LIMS2: variants seen among roughly 807,000 people sequenced by gnomAD.
LIMS2 encodes the protein LIM and senescent cell antigen-like-containing domain protein 2.
In LIMS2, 30 loss-of-function variants were observed where a neutral mutation model predicts 45.3. The observed-to-expected ratio is 0.66, with a 90% CI of 0.50 to 0.90. LIMS2 has a LOEUF of 0.90. Ranked by LOEUF, LIMS2 falls within the 40% of genes least tolerant of loss-of-function variation. The pLI, the probability that LIMS2 is intolerant of heterozygous loss-of-function variation, is 0.00. For synonymous variants in LIMS2, 173 were observed against 188.0 expected, an observed-to-expected ratio of 0.92 and a Z score of 0.65; for missense variants, 485 against 468.7, an observed-to-expected ratio of 1.03 and a Z score of -0.32.
chr2:127,680,198 C>T (rs1378800383), upstream of LIMS2, among the ~76,000 whole-genome samples: 1 of 152,246 alleles, frequency 6.6e-6, no homozygotes, highest in African/African-American at 2.4e-5. Context: ...CCGGGCGGCT[C>T]CCTGGGCCAA....
chr2:127,658,332 G>A (rs879360573), intron 1 of LIMS2, among the ~76,000 whole-genome samples: 12 of 152,230 alleles, frequency 7.9e-5, no homozygotes, highest in East Asian at 3.9e-4. Context: ...CTGGGAGGCC[G>A]AGGCTGAGTG....
rs543949076 is a variant in LIMS2 at position 127,658,744 on chromosome 2, A to C, written c.12-1182T>G. 2.0e-5 allele frequency among the ~76,000 whole-genome samples: 3 copies of C among 152,328 alleles called. No homozygotes were observed. In the South Asian group the frequency reaches 6.2e-4, roughly 32 times the overall value. On this transcript the variant is annotated intron_variant, in intron 1 of 9. Transcript: ENST00000355119. ...GGGTTCTGTCTCAAGTGTCAACTCC[A>C]GTGGATTCCTGGAAGACTGGGCAGA...
At chr2:127,663,713 C>CA (rs1213671971) in intron 1 of LIMS2, among the ~76,000 whole-genome samples, 1 of 151,154 alleles carries the variant, frequency 6.6e-6, no homozygotes, top group Non-Finnish European at 1.5e-5. Flanking sequence ...CCCAAGGTCA[C>CA]AGCCCTATTG....
chr2:127,680,095 A>G (rs1685582858), upstream of LIMS2, among the ~76,000 whole-genome samples: 1 of 152,220 alleles, frequency 6.6e-6, no homozygotes, highest in Non-Finnish European at 1.5e-5. Context: ...CAAAGCCTTC[A>G]GCCGCCTCCT....
rs369763184 is a variant in LIMS2 at position 127,640,365 on chromosome 2, C to T, written c.754-47G>A. On this transcript the variant is annotated intron_variant, in intron 7 of 9. Transcript: ENST00000355119. ...AGAGTAGCTGCAGGCAGTCACACCC[C>T]AGCCCAGGGCCATCATGCAGCCAGC... 107 of 1,593,932 alleles carry T rather than the reference C, an allele frequency of 6.7e-5. No individual in the cohort carries two copies. The African/African-American group carries it at 1.4e-3, about 21-fold the overall frequency.
At chr2:127,680,841 A>G (rs948812660) in intron 1 of LIMS2, among the ~76,000 whole-genome samples, 14 of 152,192 alleles carry the variant, frequency 9.2e-5, no homozygotes, top group Non-Finnish European at 1.9e-4. Context: ...ACCCGAGGGC[A>G]GCCCCCACCA....
In LIMS2 at chr2:127,647,918, C is replaced by A; in HGVS notation, c.360-4846G>T. 2 of 672,122 alleles carry A rather than the reference C, an allele frequency of 3.0e-6. No homozygotes were observed. The highest frequency in any genetic ancestry group is 3.7e-6 in the Non-Finnish European group (2 of 543,080). The allele number at this position is 672,122 out of a possible 1,614,324, so 41.6% of individuals were successfully genotyped here. A position where few individuals can be genotyped will look rare whatever the true frequency, so the allele number is the denominator to read the frequency against. On this transcript the variant is annotated intron_variant, in intron 4 of 9. Coordinates refer to ENST00000355119, the MANE Select transcript of LIMS2 (RefSeq NM_001161403.3). This position sits in a 1 kb window ranked among gnomAD's most constrained non-coding sequence, Gnocchi z 4.3. ...TCCCTGTTCTCCCCTGCCTCACAGG[C>A]CCTGTCAAGGGCTGTGTTCCTCCCT...
chr2:127,640,489 C>T, intron 7 of LIMS2, 171 bp from the exon 8 acceptor site: 1 of 690,522 alleles, frequency 1.4e-6, no homozygotes, highest in Non-Finnish European at 2.5e-6. Context: ...CCATGAGAAC[C>T]ACCCTTCCGG....
In LIMS2 at chr2:127,657,450, C is replaced by T. The variant is rs769304903; in HGVS notation, c.124G>A (p.Val42Met). The T allele has an allele frequency of 6.8e-6, 11 of 1,613,894 alleles. No homozygotes were observed. The highest frequency in any genetic ancestry group is 2.2e-5 in the East Asian group (1 of 44,884). ...AAGGGCCGGAAGCACTGGGCACACA[C>T]GAAGCAGTGCTCATGGTACAGCTCC... ...NGELYHEHCF[V>M]CAQCFRPFPE... The change falls in exon 2 of 10, where the codon GTG becomes ATG. Residue 42 changes from valine to methionine, a missense_variant. Transcript: ENST00000355119.
upstream of LIMS2, among the ~76,000 whole-genome samples, chr2:127,679,434 G>A (rs1685567837): frequency 7.4e-6 from 1 of 135,056 alleles, no homozygotes; most frequent in South Asian, 2.6e-4. This position sits in a 1 kb window ranked among gnomAD's most constrained non-coding sequence, Gnocchi z 5.3. Context: ...CACACACTTA[G>A]TCTTCGCTGG....
Position 127,642,966 on chromosome 2 carries a change from T to C in LIMS2, c.466A>G (p.Ser156Gly), listed in dbSNP as rs1268918685. 4 of 1,570,392 alleles carry C rather than the reference T, an allele frequency of 2.5e-6. No individual in the cohort carries two copies. The African/African-American group carries it at 4.1e-5, about 16-fold the overall frequency. The change falls in exon 5 of 10, where the codon AGC (serine) becomes GGC (glycine). Residue 156 changes from serine to glycine, a missense_variant. Ser to Gly is a moderately conservative substitution (Grantham distance 56). Coordinates refer to ENST00000355119, the MANE Select transcript of LIMS2 (RefSeq NM_001161403.3). The surrounding 1 kb of genome is among the most constrained non-coding windows in gnomAD (Gnocchi z 5.3). ...AAGTGGTCAGGGTGGTAGGCGTCGC[T>C]CCTGAACATGAGGGGCTGCTCGTCG... ...VIDEQPLMFR[S>G]DAYHPDHFNC... is the part of the protein sequence containing the mutation.
chr2:127,662,158 T>C (rs1461011297), intron 1 of LIMS2, among the ~76,000 whole-genome samples: 1 of 152,170 alleles, frequency 6.6e-6, no homozygotes, highest in African/African-American at 2.4e-5. Context: ...ACGCCCCCTG[T>C]CTGTGTGACC....
At chr2:127,678,204 G>T (rs1469044567), upstream of LIMS2, among the ~76,000 whole-genome samples, 2 of 152,152 alleles carry the variant, frequency 1.3e-5, no homozygotes, top group Non-Finnish European at 2.9e-5. The surrounding 1 kb of genome is among the most constrained non-coding windows in gnomAD (Gnocchi z 5.3). Flanking sequence ...CTAGTCCTTA[G>T]CTACGGGGAG....
chr2:127,674,927 C>T, intron 1 of LIMS2, 87 bp downstream of exon 1: 2 of 1,222,714 alleles, frequency 1.6e-6, no homozygotes, highest in Non-Finnish European at 2.0e-6. Flanking sequence ...CGTGGCGCCG[C>T]GGGGCTGTAC....
rs1397352999 is a variant in LIMS2, at chr2:127,650,798, G to A, written c.359+3626C>T. 8.7e-6 allele frequency: 14 copies of A among 1,612,910 alleles called. No homozygotes were observed. The highest frequency in any genetic ancestry group is 1.2e-5 in the Non-Finnish European group (14 of 1,179,032). On this transcript the variant is annotated intron_variant, in intron 4 of 9. Coordinates refer to ENST00000355119, the MANE Select transcript of LIMS2 (RefSeq NM_001161403.3). ...CCAACTTCTCCCTGGCCACGGCAGAGCAATGTGGCCAGGAGACGCCACTGG... is the reference window on the plus strand; with the variant it reads ...CCAACTTCTCCCTGGCCACGGCAGAACAATGTGGCCAGGAGACGCCACTGG...
intron 3 of LIMS2, 120 bp downstream of exon 3, chr2:127,654,710 G>C: frequency 6.9e-7 from 1 of 1,458,956 alleles, no homozygotes; most frequent in Non-Finnish European, 9.5e-7. Flanking sequence ...CGCTCAGAGA[G>C]GCAAGGTGGG....
intron 1 of LIMS2, 78 bp downstream of exon 1, chr2:127,674,936 A>G: frequency 1.6e-6 from 2 of 1,223,386 alleles, no homozygotes; most frequent in Non-Finnish European, 1.0e-6. Flanking sequence ...GCGGGGCTGT[A>G]CGAGGGCGAG....
intron 1 of LIMS2, among the ~76,000 whole-genome samples, chr2:127,666,479 A>G (rs1685006927): frequency 6.6e-6 from 1 of 152,146 alleles, no homozygotes; most frequent in South Asian, 2.1e-4. Context: ...CTTGAATAAT[A>G]ATAGCTCGTG....
At chr2:127,673,624 G>T in intron 1 of LIMS2, 5 of 1,525,128 alleles carry the variant, frequency 3.3e-6, no homozygotes, top group Non-Finnish European at 4.5e-6. Flanking sequence ...ACCCTTCACG[G>T]CTCTGTTCTC....
Sources: allele counts gnomAD v4.1 joint callset (sites outside exome capture counted in the v4.1 genomes callset), GRCh38; gene constraint gnomAD v4.1.1; non-coding constraint Gnocchi (gnomAD v3.1); transcripts MANE v1.5; gene names NCBI Gene and HGNC (gene_info 2026-07-23, HGNC 2026-07-21).